Variants in SUGP2 observed in about 807,000 individuals in gnomAD.
SUGP2 encodes SURP and G-patch domain-containing protein 2.
Under a neutral mutation model 90.5 loss-of-function variants are expected in SUGP2, and 24 were observed. That is an observed-to-expected ratio of 0.27 (90% confidence interval 0.19 to 0.37). The LOEUF (loss-of-function observed/expected upper bound fraction) is 0.37, where lower values mean the gene tolerates loss of function less well. Among genes scored for constraint, SUGP2 ranks in the 10% least tolerant of loss-of-function variants. The pLI is 1.00. For synonymous variants in SUGP2, 473 were observed against 513.4 expected (o/e 0.92, Z 1.06); for missense variants, 1,233 against 1,363.3 (o/e 0.90, Z 1.51).
At chr19:18,996,890 G>T (rs2057617715) in intron 8 of SUGP2, among the ~76,000 whole-genome samples, 1 of 152,100 alleles carries the variant, frequency 6.6e-6, no homozygotes, top group Admixed American at 6.6e-5. Flanking sequence ...TGAACGACCT[G>T]GGGAGGCTGT....
chr19:19,007,608 C>T (rs1375620637), intron 6 of SUGP2, among the ~76,000 whole-genome samples: 1 of 151,742 alleles, frequency 6.6e-6, no homozygotes, highest in Non-Finnish European at 1.5e-5. Context: ...GCACCTGCCA[C>T]TACACCCGGC....
chr19:18,994,333 C>A (rs2145217885), intron 10 of SUGP2, 33 bp downstream of exon 10: 1 of 1,603,700 alleles, frequency 6.2e-7, no homozygotes, highest in East Asian at 2.2e-5. Flanking sequence ...CCAGCGAGGG[C>A]AGACGGCCTT....
In SUGP2 at chr19:19,025,302, T is replaced by C. The variant is rs2058878079; in HGVS notation, c.1046A>G (p.Gln349Arg). ...AAGTTCAAAGAGAGTCTGGAAAAGT[T>C]GGGAAAATTTAATATCATCTTTTAT... ...HTIKDDIKFS[Q>R]LFQTLFELET... The change falls in exon 3 of 11, where the codon CAA (glutamine) becomes CGA (arginine). Residue 349 changes from glutamine (Q) to arginine (R), a missense_variant. Gln to Arg is a conservative substitution (Grantham distance 43). Coordinates refer to ENST00000452918, the MANE Select transcript of SUGP2 (RefSeq NM_001017392.5). The C allele has an allele frequency of 1.9e-6, 3 of 1,613,290 alleles. No individual in the cohort carries two copies. The highest frequency in any genetic ancestry group is 2.2e-5 in the East Asian group (1 of 44,884).
intron 4 of SUGP2, among the ~76,000 whole-genome samples, chr19:19,015,753 C>G (rs2058477115): frequency 6.6e-6 from 1 of 152,140 alleles, no homozygotes; most frequent in East Asian, 1.9e-4. Flanking sequence ...CATCTGTCCC[C>G]CTCGGTCTCC....
chr19:18,998,771 G>A (rs1005283189), intron 8 of SUGP2, among the ~76,000 whole-genome samples: 9 of 152,138 alleles, frequency 5.9e-5, no homozygotes, highest in Non-Finnish European at 1.2e-4. Flanking sequence ...GAGGTATGAA[G>A]GGAGGAGCTA....
intron 1 of SUGP2, among the ~76,000 whole-genome samples, chr19:19,031,459 AGGAGGC>A (rs2059145767): frequency 6.6e-6 from 1 of 151,302 alleles, no homozygotes; most frequent in South Asian, 2.1e-4. Flanking sequence ...GCTTGAACCC[AGGAGGC>A]GGAGGTTGCA....
chr19:18,995,802 C>T (rs1300156026), intron 8 of SUGP2, among the ~76,000 whole-genome samples: 1 of 151,644 alleles, frequency 6.6e-6, no homozygotes, highest in Non-Finnish European at 1.5e-5. Context: ...TCTGTCTGTC[C>T]TCAGGACTGA....
At chr19:19,033,071 G>A (rs964694387) in intron 1 of SUGP2, 1 of 154,176 alleles carries the variant, frequency 6.5e-6, no homozygotes, top group Non-Finnish European at 1.4e-5. Context: ...AGCCAGTAAA[G>A]GGGCTGGTGT....
intron 2 of SUGP2, among the ~76,000 whole-genome samples, chr19:19,029,160 G>C (rs1436198178): frequency 1.8e-5 from 2 of 109,656 alleles, no homozygotes; most frequent in African/African-American, 5.7e-5. Context: ...TTTTTTTTTT[G>C]AGACGGAGTC....
chr19:19,013,807 G>A (rs1278803297), intron 4 of SUGP2, among the ~76,000 whole-genome samples: 1 of 152,162 alleles, frequency 6.6e-6, no homozygotes, highest in African/African-American at 2.4e-5. Flanking sequence ...ACTCCCAGGG[G>A]ACAATTTAGA....
At chr19:19,020,812 G>T (rs1397201965) in intron 3 of SUGP2, among the ~76,000 whole-genome samples, 1 of 143,764 alleles carries the variant, frequency 7.0e-6, no homozygotes, top group African/African-American at 2.4e-5. Flanking sequence ...CACAGAACAT[G>T]TTTCTTCGAA....
rs1468838740 is a variant in SUGP2, at chr19:18,991,093, A to G, written c.*2648T>C. ...ACAAGCCAGAGACAGTAAAGCACCCAGAGTGGCGAGAGAGCACTTCCAGAT... is the reference window on the plus strand; with the variant it reads ...ACAAGCCAGAGACAGTAAAGCACCCGGAGTGGCGAGAGAGCACTTCCAGAT... On this transcript the variant is annotated 3_prime_UTR_variant, in exon 11 of 11. Transcript: ENST00000452918. 1 of 152,080 alleles carries G rather than the reference A, an allele frequency of 6.6e-6. No individual in the cohort carries two copies. The highest frequency in any genetic ancestry group is 1.5e-5 in the Non-Finnish European group (1 of 68,022). The allele number at this position is 152,080 out of a possible 1,614,324, so 9.4% of individuals were successfully genotyped here. A position where few individuals can be genotyped will look rare whatever the true frequency, so the allele number is the denominator to read the frequency against.
intron 7 of SUGP2, 104 bp downstream of exon 7, chr19:19,004,064 A>T: frequency 1.1e-6 from 1 of 932,154 alleles, no homozygotes; most frequent in Non-Finnish European, 1.6e-6. Context: ...GTGGTGCACA[A>T]AACTCTTTTG....
chr19:19,032,417 C>T (rs1438173852), intron 1 of SUGP2, among the ~76,000 whole-genome samples: 1 of 152,268 alleles, frequency 6.6e-6, no homozygotes, highest in East Asian at 1.9e-4. Context: ...CTTCGGCCTC[C>T]CAAAGTGCTG....
rs2058256974 is a variant in SUGP2 at position 19,010,228 on chromosome 19, G to T, written c.1965C>A (p.Asp655Glu). Reference sequence around the variant, plus strand: ...AGTACAGCATGGCCCTCACTGCACAGTCTGCTGAGGTCGGCTTCTGGTCGG... The same window carrying T: ...AGTACAGCATGGCCCTCACTGCACATTCTGCTGAGGTCGGCTTCTGGTCGG... ...RGADQKPTSA[D>E]CAVRAMLYSR... Residue 655 changes from aspartate (D) to glutamate (E), a missense_variant, in exon 5 of 11, where the codon GAC (aspartate) becomes GAA (glutamate). This residue lies in a region of SUGP2 where 540 missense variants were observed against 542.6 expected (regional missense o/e 1.00). Transcript: ENST00000452918. 2 of 1,614,020 alleles carry T rather than the reference G, an allele frequency of 1.2e-6. No homozygotes were observed. The highest frequency in any genetic ancestry group is 3.3e-5 in the Admixed American group (2 of 60,002).
At chr19:19,002,155 GGATCACCC>G (rs1174165737) in intron 7 of SUGP2, among the ~76,000 whole-genome samples, 1 of 152,122 alleles carries the variant, frequency 6.6e-6, no homozygotes, top group African/African-American at 2.4e-5. Flanking sequence ...CGAGATGGGC[GGATCACCC>G]GAGGTTAGGA....
chr19:19,008,007 G>A (rs555741455), intron 6 of SUGP2, among the ~76,000 whole-genome samples: 1 of 152,108 alleles, frequency 6.6e-6, no homozygotes, highest in Non-Finnish European at 1.5e-5. Context: ...GATTAGAACA[G>A]ATCTTTCTCC....
intron 7 of SUGP2, among the ~76,000 whole-genome samples, chr19:19,002,893 A>G (rs150934758): frequency 4.3e-4 from 65 of 152,248 alleles, no homozygotes; most frequent in Non-Finnish European, 7.5e-4. Context: ...CCTCCCCCCA[A>G]GAAGAGCATA....
rs1476363952 is a variant in SUGP2 at position 19,027,103 on chromosome 19, G to T, written c.122-877C>A. ...GAGACCAGCCTGGGCAACATAGCGA[G>T]ACCCTATCTCTGTCAAAAATAAAAA... On this transcript the variant is annotated intron_variant, in intron 2 of 10. Coordinates refer to ENST00000452918, the MANE Select transcript of SUGP2 (RefSeq NM_001017392.5). Among the ~76,000 whole-genome samples the T allele has an allele frequency of 2.0e-5, 3 of 152,140 alleles. No homozygotes were observed. In the East Asian group the frequency reaches 5.8e-4, roughly 29 times the overall value.
Sources: allele counts gnomAD v4.1 joint callset (sites outside exome capture counted in the v4.1 genomes callset), GRCh38; gene constraint gnomAD v4.1.1; regional missense constraint gnomAD v4.1.1; transcripts MANE v1.5; gene names NCBI Gene and HGNC (gene_info 2026-07-23, HGNC 2026-07-21).